GDA: variants seen among roughly 807,000 people sequenced by gnomAD.
The protein encoded by GDA is cytoplasmic PSD-95 interactor.
In GDA, 18 loss-of-function variants were observed where a neutral mutation model predicts 59.6. The ratio of observed to expected loss-of-function variants is 0.30; its 90% confidence interval spans 0.21 to 0.45. The LOEUF (loss-of-function observed/expected upper bound fraction) is 0.45. Among genes scored for constraint, GDA ranks in the 20% least tolerant of loss-of-function variants. The pLI is 1.00. For synonymous variants in GDA, 201 were observed against 201.1 expected, an observed-to-expected ratio of 1.00 and a Z score of 0.00; for missense variants, 427 against 552.3, an observed-to-expected ratio of 0.77 and a Z score of 2.27.
Position 72,248,737 on chromosome 9 carries a change from A to G in GDA, c.*395A>G. 3 of 1,005,168 alleles carry G rather than the reference A, an allele frequency of 3.0e-6. No homozygotes were observed. The highest frequency in any genetic ancestry group is 3.6e-6 in the Non-Finnish European group (3 of 839,978). The allele number at this position is 1,005,168 out of a possible 1,614,324, so 62.3% of individuals were successfully genotyped here. On this transcript the variant is annotated 3_prime_UTR_variant, in exon 14 of 14. Coordinates refer to ENST00000358399, the MANE Select transcript of GDA (RefSeq NM_004293.5). ...AATAATTGCAAAAATTAGAAGACTG[A>G]AAATGGACCCATGAGAGTATATTTT...
intron 11 of GDA, among the ~76,000 whole-genome samples, chr9:72,244,172 G>A (rs1274528661): frequency 1.4e-4 from 21 of 147,992 alleles, no homozygotes; most frequent in South Asian, 2.1e-4. Flanking sequence ...GCAAGACTCC[G>A]TCTCAAAAAA....
In GDA at chr9:72,252,185, T is replaced by C. The variant is rs894725082; in HGVS notation, c.*3843T>C. 1.3e-5 allele frequency: 2 copies of C among 152,654 alleles called. No homozygotes were observed. The highest frequency in any genetic ancestry group is 4.8e-5 in the African/African-American group (2 of 41,464). The allele number at this position is 152,654 out of a possible 1,614,324, so 9.5% of individuals were successfully genotyped here. A position where few individuals can be genotyped will look rare whatever the true frequency, so the allele number is the denominator to read the frequency against. On this transcript the variant is annotated 3_prime_UTR_variant, in exon 14 of 14. Coordinates refer to ENST00000358399, the MANE Select transcript of GDA (RefSeq NM_004293.5). Reference sequence around the variant, plus strand: ...TTATTGTGCTGAGTGAGCTCCTGTGTGCTTCAGACAAAAATAAATGAGACT... The same window carrying C: ...TTATTGTGCTGAGTGAGCTCCTGTGCGCTTCAGACAAAAATAAATGAGACT...
chr9:72,245,283 G>A lies in GDA; in HGVS notation c.1266+5G>A. ...TTTTTTGGTGATATTTCTGAGGTAA[G>A]TAAAAGAAAGTTAATCAAAAGGCAT... On this transcript the variant is annotated splice_donor_5th_base_variant and intron_variant, in intron 12 of 13. Coordinates refer to ENST00000358399, the MANE Select transcript of GDA (RefSeq NM_004293.5). 6.2e-7 allele frequency: 1 copy of A among 1,600,178 alleles called. No homozygotes were observed. Among genetic ancestry groups the A allele is most frequent in the Non-Finnish European group, 8.6e-7 (1 of 1,167,878 alleles).
chr9:72,163,961 TG>T (rs1828974703), intron 1 of GDA, among the ~76,000 whole-genome samples: 1 of 152,210 alleles, frequency 6.6e-6, no homozygotes, highest in South Asian at 2.1e-4. Flanking sequence ...CTGACCTCTC[TG>T]TTTTAGTTGG....
intron 1 of GDA, among the ~76,000 whole-genome samples, chr9:72,116,695 T>A (rs1812193173): frequency 6.6e-6 from 1 of 152,108 alleles, no homozygotes; most frequent in Admixed American, 6.5e-5. Context: ...TCCCCAGGTT[T>A]TCTATCCTCA....
chr9:72,220,157 T>C (rs1341083186), intron 6 of GDA, among the ~76,000 whole-genome samples: 2 of 152,122 alleles, frequency 1.3e-5, no homozygotes, highest in East Asian at 3.9e-4. Flanking sequence ...CTACAGCCCA[T>C]TACAATAAGT....
At chr9:72,202,154 G>T (rs1834078909) in intron 2 of GDA, among the ~76,000 whole-genome samples, 1 of 152,148 alleles carries the variant, frequency 6.6e-6, no homozygotes, top group Non-Finnish European at 1.5e-5. Context: ...TTAGTGACTG[G>T]TGTGCACATT....
rs201954706 is a variant in GDA, at chr9:72,241,153, C to A, written c.990C>A (p.Asp330Glu). The change falls in exon 11 of 14, where the codon GAC (aspartate) becomes GAA (glutamate). Residue 330 changes from aspartate (D) to glutamate (E), a missense_variant and splice_region_variant. By Grantham distance (45) the Asp-to-Glu change is conservative. Transcript: ENST00000358399. ...TTGGTTTTATTTTACCTACTGCAGA[C>A]GTGGCTGGTGGCTATTCATATTCCA... is the stretch of plus-strand genomic sequence containing the variant. ...KHEVKIGLGT[D>E]VAGGYSYSML... 6.3e-7 allele frequency: 1 copy of A among 1,591,126 alleles called. No individual in the cohort carries two copies. The highest frequency in any genetic ancestry group is 1.7e-5 in the Admixed American group (1 of 59,750).
chr9:72,184,448 C>G (rs902528771), intron 1 of GDA, among the ~76,000 whole-genome samples: 9 of 152,128 alleles, frequency 5.9e-5, no homozygotes, highest in African/African-American at 1.9e-4. Flanking sequence ...TAGTTGGGAT[C>G]ATATAATATG....
rs886325878 is a variant in GDA, at chr9:72,121,041, G to C, written c.-100+6208G>C. Among the ~76,000 whole-genome samples, 21 of 151,976 alleles carry C rather than the reference G, an allele frequency of 1.4e-4. 1 individual carries two copies. Among genetic ancestry groups the C allele is most frequent in the Non-Finnish European group, 2.9e-5 (2 of 68,010 alleles). On this transcript the variant is annotated intron_variant, in intron 1 of 13. Coordinates refer to the GDA transcript ENST00000545168. The stretch of plus-strand genomic sequence containing the variant: ...TCAGGTTCTTACTTCAACCACAGGC[G>C]TTTCAATACCCTCTCGAGAAGCATA...
chr9:72,191,468 A>AG (rs1421621092), intron 1 of GDA, among the ~76,000 whole-genome samples: 1 of 150,982 alleles, frequency 6.6e-6, no homozygotes, highest in Non-Finnish European at 1.5e-5. Flanking sequence ...AGTAAAGGGA[A>AG]GGCTCTTTTT....
intron 2 of GDA, among the ~76,000 whole-genome samples, chr9:72,196,231 A>T (rs1833152498): frequency 6.6e-6 from 1 of 152,038 alleles, no homozygotes; most frequent in African/African-American, 2.4e-5. Flanking sequence ...CTGTAATCCT[A>T]GCACTTTGGG....
chr9:72,209,862 A>T (rs1348822232), intron 3 of GDA, among the ~76,000 whole-genome samples: 1 of 152,186 alleles, frequency 6.6e-6, no homozygotes, highest in Non-Finnish European at 1.5e-5. Context: ...GAGTTGTGGG[A>T]GTAGTACACG....
At chr9:72,138,517 C>T (rs1384934815) in intron 1 of GDA, among the ~76,000 whole-genome samples, 1 of 152,226 alleles carries the variant, frequency 6.6e-6, no homozygotes, top group Non-Finnish European at 1.5e-5. Flanking sequence ...GCACTTAACA[C>T]ATCTAACAAT....
intron 1 of GDA, 72 bp downstream of exon 1, chr9:72,149,754 C>CG: frequency 6.9e-7 from 1 of 1,456,670 alleles, no homozygotes; most frequent in Non-Finnish European, 9.1e-7. Flanking sequence ...CGCGGTGCTT[C>CG]GCGTAGCCCG....
At chr9:72,247,886 C>T (rs1460034053) in intron 13 of GDA, among the ~76,000 whole-genome samples, 2 of 152,120 alleles carry the variant, frequency 1.3e-5, no homozygotes, top group African/African-American at 2.4e-5. Context: ...GAGCCCAGGA[C>T]TGAGTGAACT....
chr9:72,191,144 A>G (rs1283598040), intron 1 of GDA, among the ~76,000 whole-genome samples: 1 of 152,222 alleles, frequency 6.6e-6, no homozygotes, highest in Non-Finnish European at 1.5e-5. Flanking sequence ...GAGGACTTCT[A>G]TCATTTTATT....
At chr9:72,169,191 T>C (rs1199792499) in intron 1 of GDA, among the ~76,000 whole-genome samples, 1 of 152,180 alleles carries the variant, frequency 6.6e-6, no homozygotes, top group Non-Finnish European at 1.5e-5. Flanking sequence ...GTGAAATAGA[T>C]ATTGGTTTTG....
chr9:72,223,260 C>A, intron 7 of GDA, 33 bp downstream of exon 7: 1 of 1,153,466 alleles, frequency 8.7e-7, no homozygotes, highest in Non-Finnish European at 1.3e-6. Flanking sequence ...TGCCTCTATG[C>A]AGACCTGCAA....
Sources: gnomAD v4.1 joint callset for allele counts (sites outside exome capture counted in the v4.1 genomes callset) on GRCh38, gnomAD v4.1.1 for gene constraint, MANE v1.5 for transcripts, NCBI Gene and HGNC (gene_info 2026-07-23, HGNC 2026-07-21) for gene names.